The following CAPN14 variants were observed in gnomAD, a reference collection of about 807,000 sequenced individuals.
CAPN14 encodes the protein calpain 14.
Under a neutral mutation model 101.3 loss-of-function variants are expected in CAPN14, and 94 were observed. The observed-to-expected ratio is 0.93, with a 90% CI of 0.79 to 1.10. The LOEUF is 1.10. Among genes scored for constraint, CAPN14 ranks in the 50% least tolerant of loss-of-function variants. The probability of loss-of-function intolerance (pLI) is 0.00; values close to 1 mark genes in which losing one functional copy is unlikely to be tolerated. For missense variants in CAPN14, 837 were observed against 828.4 expected (o/e 1.01, Z -0.13); for synonymous variants, 338 against 317.9 (o/e 1.06, Z -0.67).
At chr2:31,197,460 G>A in intron 7 of CAPN14, 126 bp from the exon 8 acceptor site, 1 of 647,328 alleles carries the variant, frequency 1.5e-6, no homozygotes, top group Non-Finnish European at 2.7e-6. Flanking sequence ...AGAGCTGGTA[G>A]AGGAGAAAGT....
At position 31,195,357 on chromosome 2, in the gene CAPN14, G is replaced by A. The variant is rs376060976; in HGVS notation, c.876-874C>T. On this transcript the variant is annotated intron_variant, in intron 8 of 21. Transcript: ENST00000403897. Reference sequence around the variant, plus strand: ...TATTTATTTATTCACTTATTTTTGAGACAGACTCTCACTCTGCCACGTACG... The same window carrying A: ...TATTTATTTATTCACTTATTTTTGAAACAGACTCTCACTCTGCCACGTACG... 2.0e-5 allele frequency among the ~76,000 whole-genome samples: 3 copies of A among 152,282 alleles called. No individual in the cohort carries two copies. In the East Asian group the frequency reaches 5.8e-4, roughly 29 times the overall value.
At chr2:31,197,717 G>T (rs1364364410) in intron 7 of CAPN14, among the ~76,000 whole-genome samples, 1 of 152,186 alleles carries the variant, frequency 6.6e-6, no homozygotes, top group East Asian at 1.9e-4. Flanking sequence ...TATGGATCAG[G>T]GTGGGCCCTA....
chr2:31,227,303 A>C (rs1350029499), intron 1 of CAPN14, among the ~76,000 whole-genome samples: 1 of 152,206 alleles, frequency 6.6e-6, no homozygotes, highest in Non-Finnish European at 1.5e-5. Context: ...GCTATGTATG[A>C]GACAGCCGCA....
chr2:31,181,091 G>C, intron 16 of CAPN14, 91 bp from the exon 17 acceptor site: 3 of 960,818 alleles, frequency 3.1e-6, no homozygotes, highest in Non-Finnish European at 4.9e-6. Context: ...GCATGGGCCA[G>C]CTGATGACCA....
intron 1 of CAPN14, among the ~76,000 whole-genome samples, chr2:31,226,856 A>C (rs893681148): frequency 8.5e-5 from 13 of 152,110 alleles, no homozygotes; most frequent in African/African-American, 3.1e-4. Flanking sequence ...TTTAGAATTC[A>C]AGGGATTTCG....
In CAPN14 at chr2:31,197,243, GT is replaced by G; in HGVS notation, c.875+5del. 1 of 1,547,884 alleles carries G rather than the reference GT, an allele frequency of 6.5e-7. No homozygotes were observed. Among genetic ancestry groups the G allele is most frequent in the Non-Finnish European group, 8.7e-7 (1 of 1,143,312 alleles). On this transcript the variant is annotated splice_donor_5th_base_variant and intron_variant, in intron 8 of 21. Coordinates refer to ENST00000403897, the MANE Select transcript of CAPN14 (RefSeq NM_001145122.2). ...CTCACCCCTCCAAGATGTCCCCAAAGTTCACCTGTCACTCCAGTCTCCTTTC... is the reference window on the plus strand; with the variant it reads ...CTCACCCCTCCAAGATGTCCCCAAAGTCACCTGTCACTCCAGTCTCCTTTC...
chr2:31,233,129 C>G (rs1683243721), intron 1 of CAPN14, among the ~76,000 whole-genome samples: 1 of 152,200 alleles, frequency 6.6e-6, no homozygotes, highest in South Asian at 2.1e-4. Context: ...AAGCAATGTT[C>G]ACTGAGAACT....
At chr2:31,192,776 G>C (rs766132589) in intron 10 of CAPN14, among the ~76,000 whole-genome samples, 3 of 152,168 alleles carry the variant, frequency 2.0e-5, no homozygotes, top group Non-Finnish European at 4.4e-5. Context: ...GGTTACTTCA[G>C]TGTTTTCAGT....
At chr2:31,193,027 C>T in intron 10 of CAPN14, 104 bp downstream of exon 10, 1 of 1,161,298 alleles carries the variant, frequency 8.6e-7, no homozygotes, top group Non-Finnish European at 1.2e-6. Flanking sequence ...GCCTCCTCCC[C>T]ACTCAGCCAA....
At chr2:31,222,398 A>G (rs1682886401), upstream of CAPN14, among the ~76,000 whole-genome samples, 1 of 152,140 alleles carries the variant, frequency 6.6e-6, no homozygotes, top group Non-Finnish European at 1.5e-5. Flanking sequence ...TGCATCCTAG[A>G]AAGAGCTTAC....
At chr2:31,222,281 G>A (rs927698981), upstream of CAPN14, among the ~76,000 whole-genome samples, 1 of 152,158 alleles carries the variant, frequency 6.6e-6, no homozygotes, top group Non-Finnish European at 1.5e-5. Context: ...TTCGAAAGAG[G>A]AAGCAGCTCT....
At chr2:31,206,021 A>ATTTTTTTTTTTTTT (rs200116287) in intron 1 of CAPN14, among the ~76,000 whole-genome samples, 1 of 108,752 alleles carries the variant, frequency 9.2e-6, no homozygotes. Flanking sequence ...CATTATCTTT[A>ATTTTTTTTTTTTTT]TTTTTTTTAT....
rs1260976242 is a variant in CAPN14 at position 31,206,027 on chromosome 2, TTTATTTATTTA to T, written c.-52-539_-52-529del. Among the ~76,000 whole-genome samples the T allele has an allele frequency of 1.5e-5, 2 of 131,154 alleles. 1 individual carries two copies. Among genetic ancestry groups the T allele is most frequent in the East Asian group, 5.2e-4 (2 of 3,822 alleles). The allele number at this position is 131,154 out of a possible 152,430, so 86.0% of individuals were successfully genotyped here. On this transcript the variant is annotated intron_variant, in intron 1 of 21. Transcript: ENST00000403897. ...CTCCTCCTACATTATCTTTATTTTTTTTATTTATTTATTTTTTTTTTTTGAGACAGAGTCTC... is the reference window on the plus strand; with the variant it reads ...CTCCTCCTACATTATCTTTATTTTTTTTTTTTTTTTTTGAGACAGAGTCTC...
At chr2:31,221,579 T>G (rs1055126042), upstream of CAPN14, among the ~76,000 whole-genome samples, 10 of 152,222 alleles carry the variant, frequency 6.6e-5, no homozygotes, top group African/African-American at 2.4e-4. Context: ...GGCTTTGTTT[T>G]CCTTCTGACT....
chr2:31,191,634 T>G (rs1447680057), intron 11 of CAPN14, among the ~76,000 whole-genome samples: 1 of 152,156 alleles, frequency 6.6e-6, no homozygotes, highest in Non-Finnish European at 1.5e-5. Flanking sequence ...GCTTGGCTTT[T>G]GGGGAGAGGA....
chr2:31,216,733 C>T (rs982620210), intron 1 of CAPN14, among the ~76,000 whole-genome samples: 5 of 152,078 alleles, frequency 3.3e-5, no homozygotes, highest in Admixed American at 1.3e-4. Flanking sequence ...AACTGAGAGC[C>T]GACTACCTCG....
intron 8 of CAPN14, among the ~76,000 whole-genome samples, chr2:31,196,395 G>C (rs1039426355): frequency 6.6e-5 from 10 of 152,156 alleles, no homozygotes; most frequent in African/African-American, 2.4e-4. Context: ...GTATTTCTTT[G>C]GATGACATCT....
chr2:31,228,210 C>G (rs1181545069), intron 1 of CAPN14: 4 of 152,300 alleles, frequency 2.6e-5, no homozygotes, highest in African/African-American at 9.6e-5. Context: ...TTCTAACTCC[C>G]CTAGCCAGGG....
intron 16 of CAPN14, 116 bp downstream of exon 16, chr2:31,186,312 A>G: frequency 1.8e-6 from 1 of 560,594 alleles, no homozygotes; most frequent in Non-Finnish European, 3.0e-6. Context: ...ATATAGCCAG[A>G]GTTGAGACCA....
Sources: gnomAD v4.1 joint callset for allele counts (sites outside exome capture counted in the v4.1 genomes callset) on GRCh38, gnomAD v4.1.1 for gene constraint, MANE v1.5 for transcripts, NCBI Gene and HGNC (gene_info 2026-07-23, HGNC 2026-07-21) for gene names.